Variants in ADGRL2 observed in about 807,000 individuals in gnomAD.
The protein encoded by ADGRL2 is calcium-independent alpha-latrotoxin receptor 2.
Under a neutral mutation model 157.4 loss-of-function variants are expected in ADGRL2, and 44 were observed. The ratio of observed to expected loss-of-function variants is 0.28; its 90% CI spans 0.22 to 0.36. ADGRL2 has a LOEUF of 0.36. Ranked by LOEUF, ADGRL2 falls within the 10% of genes least tolerant of loss-of-function variation. ADGRL2 has a pLI of 1.00. For missense variants in ADGRL2, 1,510 were observed against 1,768.9 expected (o/e 0.85, Z 2.63); for synonymous variants, 585 against 624.7 (o/e 0.94, Z 0.95).
At chr1:81,391,239 A>G (rs1465350474) in intron 1 of ADGRL2, among the ~76,000 whole-genome samples, 1 of 152,306 alleles carries the variant, frequency 6.6e-6, no homozygotes, top group African/African-American at 2.4e-5. Flanking sequence ...TATAGGAGTG[A>G]CATGTGGTTT....
chr1:81,322,083 A>G (rs1310880067), intron 1 of ADGRL2, among the ~76,000 whole-genome samples: 3 of 85,990 alleles, frequency 3.5e-5, no homozygotes, highest in Non-Finnish European at 7.4e-5. Context: ...GTACAGGACT[A>G]ATTCATATAT....
At chr1:81,415,650 T>G (rs2077019625) in intron 1 of ADGRL2, among the ~76,000 whole-genome samples, 1 of 152,170 alleles carries the variant, frequency 6.6e-6, no homozygotes, top group Non-Finnish European at 1.5e-5. Context: ...AAATACTCCC[T>G]GCGAGTATGA....
intron 1 of ADGRL2, among the ~76,000 whole-genome samples, chr1:81,732,398 G>C (rs1239001061): frequency 6.6e-6 from 1 of 152,088 alleles, no homozygotes; most frequent in African/African-American, 2.4e-5. Context: ...TTATGTCTTA[G>C]AGTTTACCAA....
chr1:81,906,297 T>G (rs567800241), intron 2 of ADGRL2, among the ~76,000 whole-genome samples: 1 of 152,152 alleles, frequency 6.6e-6, no homozygotes, highest in Admixed American at 6.5e-5. Context: ...GTTTGAAAAT[T>G]GCTGCTTTTT....
At chr1:81,883,994 CTTT>C (rs11330228) in intron 2 of ADGRL2, among the ~76,000 whole-genome samples, 15 of 145,068 alleles carry the variant, frequency 1.0e-4, no homozygotes, top group Non-Finnish European at 1.2e-4. Flanking sequence ...ATGAAATTGT[CTTT>C]TTTTTTTTTT....
upstream of ADGRL2, among the ~76,000 whole-genome samples, chr1:81,697,975 T>A (rs1370040688): frequency 6.6e-6 from 1 of 152,148 alleles, no homozygotes; most frequent in Non-Finnish European, 1.5e-5. Flanking sequence ...GACTGCCACA[T>A]TTAGGAAAGG....
intron 2 of ADGRL2, among the ~76,000 whole-genome samples, chr1:81,497,015 C>T (rs1479845963): frequency 6.6e-6 from 1 of 152,104 alleles, no homozygotes; most frequent in Non-Finnish European, 1.5e-5. Context: ...CTCACACAAG[C>T]TCCACATAAT....
intron 3 of ADGRL2, among the ~76,000 whole-genome samples, chr1:81,658,990 G>A (rs1379468281): frequency 1.3e-5 from 2 of 150,498 alleles, no homozygotes; most frequent in African/African-American, 2.4e-5. Flanking sequence ...GACCTCAGGT[G>A]ATCCACCCAC....
At chr1:81,694,600 C>G (rs1029493175) in intron 3 of ADGRL2, among the ~76,000 whole-genome samples, 2 of 151,970 alleles carry the variant, frequency 1.3e-5, no homozygotes, top group Non-Finnish European at 2.9e-5. Flanking sequence ...AAATCTCAAA[C>G]CTAATATGCC....
At chr1:81,937,970 G>A (rs2095334551) in intron 4 of ADGRL2, among the ~76,000 whole-genome samples, 1 of 151,766 alleles carries the variant, frequency 6.6e-6, no homozygotes. Flanking sequence ...CTCTGACACA[G>A]TTTTGACAAA....
chr1:81,710,898 T>C (rs2083906373), intron 1 of ADGRL2, among the ~76,000 whole-genome samples: 1 of 152,030 alleles, frequency 6.6e-6, no homozygotes, highest in Non-Finnish European at 1.5e-5. Flanking sequence ...ACCATATCAA[T>C]GAACATTTAA....
intron 1 of ADGRL2, among the ~76,000 whole-genome samples, chr1:81,415,351 T>G (rs2077014627): frequency 6.6e-6 from 1 of 152,224 alleles, no homozygotes; most frequent in South Asian, 2.1e-4. Flanking sequence ...AGTGTGTGTG[T>G]GTCTTTGTTA....
intron 1 of ADGRL2, among the ~76,000 whole-genome samples, chr1:81,833,592 C>A (rs982401442): frequency 1.6e-4 from 24 of 152,170 alleles, no homozygotes; most frequent in Admixed American, 1.4e-3. Context: ...AGCCTCATCA[C>A]ATAATAAGGC....
chr1:81,733,739 G>T (rs1197241594), intron 1 of ADGRL2, among the ~76,000 whole-genome samples: 1 of 152,116 alleles, frequency 6.6e-6, no homozygotes, highest in East Asian at 1.9e-4. Context: ...TGTGCACTTG[G>T]AACTTCAGAA....
intron 1 of ADGRL2, among the ~76,000 whole-genome samples, chr1:81,751,811 C>T (rs779817313): frequency 1.3e-5 from 2 of 152,132 alleles, no homozygotes; most frequent in Admixed American, 1.3e-4. Context: ...TGACACATTA[C>T]TCTCAAATAA....
chr1:81,357,969 A>C (rs1041604653), intron 1 of ADGRL2, among the ~76,000 whole-genome samples: 2 of 151,392 alleles, frequency 1.3e-5, no homozygotes, highest in African/African-American at 4.8e-5. Flanking sequence ...TTCAAATGTT[A>C]TAAGAATATG....
At chr1:81,323,859 T>C (rs530119608) in intron 1 of ADGRL2, among the ~76,000 whole-genome samples, 8 of 152,012 alleles carry the variant, frequency 5.3e-5, no homozygotes, top group South Asian at 2.1e-4. Context: ...GAAAAGAGCT[T>C]GGTAAAATTG....
Position 81,906,876 on chromosome 1 carries a change from CA to C in ADGRL2, c.74-135del, listed in dbSNP as rs1201088531. On this transcript the variant is annotated intron_variant, in intron 2 of 23. Transcript: ENST00000686636. ...AATTTTCTGACATATTGTAGAGAAC[CA>C]AAAAATTATTTAATAAATGCCTGAA... is the stretch of plus-strand genomic sequence containing the variant. 8.9e-6 allele frequency: 6 copies of C among 676,694 alleles called. No homozygotes were observed. The African/African-American group carries it at 9.0e-5, about 10-fold the overall frequency. The allele number at this position is 676,694 out of a possible 1,614,324, so 41.9% of individuals were successfully genotyped here.
Position 81,658,896 on chromosome 1 carries a change from C to T in ADGRL2, c.-143+77916C>T, listed in dbSNP as rs183618735. Among the ~76,000 whole-genome samples, 800 of 151,090 alleles carry T rather than the reference C, an allele frequency of 5.3e-3. 3 individuals are homozygous for T. The highest frequency in any genetic ancestry group is 9.6e-3 in the Admixed American group (146 of 15,158). On this transcript the variant is annotated intron_variant, in intron 3 of 24. Coordinates refer to the ADGRL2 transcript ENST00000370721. ...CCTCCTGAGTAGCTGGGATTACAGGCGCCTGACAACATGCCTGGCTAATTT... is the reference window on the plus strand; with the variant it reads ...CCTCCTGAGTAGCTGGGATTACAGGTGCCTGACAACATGCCTGGCTAATTT...
Sources: gnomAD v4.1 joint callset for allele counts (sites outside exome capture counted in the v4.1 genomes callset) on GRCh38, gnomAD v4.1.1 for gene constraint, MANE v1.5 for transcripts, NCBI Gene and HGNC (gene_info 2026-07-23, HGNC 2026-07-21) for gene names.